The following HECTD2 variants were observed in gnomAD, a reference collection of about 807,000 sequenced individuals.
The protein encoded by HECTD2 is HECT domain E3 ubiquitin protein ligase 2.
HECTD2 carries 35 observed loss-of-function variants against 103.2 expected under a neutral mutation model. The ratio of observed to expected loss-of-function variants is 0.34; its 90% CI spans 0.26 to 0.45. HECTD2 has a LOEUF of 0.45. Ranked by LOEUF, HECTD2 falls within the 20% of genes least tolerant of loss-of-function variation. The probability of loss-of-function intolerance (pLI) is 1.00; values close to 1 mark genes in which losing one functional copy is unlikely to be tolerated. For synonymous variants in HECTD2, 281 were observed against 329.9 expected (o/e 0.85, Z 1.61); for missense variants, 596 against 937.4 (o/e 0.64, Z 4.76).
intron 5 of HECTD2, among the ~76,000 whole-genome samples, chr10:91,468,939 CAAAA>C (rs375935105): frequency 3.0e-5 from 3 of 98,484 alleles, no homozygotes; most frequent in Non-Finnish European, 6.1e-5. Context: ...CTGTCTCACT[CAAAA>C]AAAAAAAAAA....
intron 2 of HECTD2, among the ~76,000 whole-genome samples, chr10:91,457,567 TA>T (rs1417968476): frequency 6.6e-6 from 1 of 151,948 alleles, no homozygotes; most frequent in African/African-American, 2.4e-5. Flanking sequence ...TTCCATGCAG[TA>T]AAATAATTTG....
At chr10:91,435,986 T>C (rs1844099455) in intron 2 of HECTD2, among the ~76,000 whole-genome samples, 2 of 151,984 alleles carry the variant, frequency 1.3e-5, no homozygotes, top group African/African-American at 4.8e-5. Context: ...CTGTTATGCC[T>C]TTAATTGTGA....
At chr10:91,445,784 C>T (rs949587435) in intron 2 of HECTD2, among the ~76,000 whole-genome samples, 3 of 152,070 alleles carry the variant, frequency 2.0e-5, no homozygotes, top group East Asian at 3.9e-4. Flanking sequence ...CACAAGGGAT[C>T]AGAGAAATCC....
At chr10:91,495,707 C>G (rs1205721702) in intron 14 of HECTD2, among the ~76,000 whole-genome samples, 1 of 152,040 alleles carries the variant, frequency 6.6e-6, no homozygotes, top group Non-Finnish European at 1.5e-5. Context: ...AATTACCTAT[C>G]CTATTAGCTT....
chr10:91,489,154 G>C (rs1371895059), intron 11 of HECTD2: 1 of 152,130 alleles, frequency 6.6e-6, no homozygotes, highest in Non-Finnish European at 1.5e-5. Flanking sequence ...TCTTTTTGTG[G>C]AATTTTTCTT....
Position 91,496,391 on chromosome 10 carries a change from A to G in HECTD2, c.1680+19A>G, listed in dbSNP as rs1274454198. The stretch of plus-strand genomic sequence containing the variant: ...TATGCCTGTAAGTATAAAGTTATTA[A>G]TATCTTGTCCTTTAATGCGAAATCA... On this transcript the variant is annotated intron_variant, in intron 15 of 20. Coordinates refer to ENST00000298068, the MANE Select transcript of HECTD2 (RefSeq NM_182765.6). 1 of 1,570,580 alleles carries G rather than the reference A, an allele frequency of 6.4e-7. No homozygotes were observed. Among genetic ancestry groups the G allele is most frequent in the South Asian group, 1.1e-5 (1 of 87,002 alleles).
intron 14 of HECTD2, 120 bp from the exon 15 acceptor site, chr10:91,496,094 A>G (rs939228886): frequency 3.7e-6 from 2 of 547,864 alleles, no homozygotes; most frequent in Non-Finnish European, 6.4e-6. Context: ...AATATGTGAT[A>G]CTAATTAGAA....
intron 6 of HECTD2, among the ~76,000 whole-genome samples, chr10:91,480,748 A>G (rs1345782976): frequency 6.6e-6 from 1 of 152,080 alleles, no homozygotes. Context: ...TAATACATAA[A>G]TGTTCTTAAG....
intron 1 of HECTD2, among the ~76,000 whole-genome samples, chr10:91,422,202 A>AC (rs1369910300): frequency 6.6e-6 from 1 of 152,080 alleles, no homozygotes; most frequent in Non-Finnish European, 1.5e-5. Context: ...TATGGCCACT[A>AC]CCTACCTTCC....
chr10:91,415,216 G>A (rs1459676148), intron 1 of HECTD2, among the ~76,000 whole-genome samples: 2 of 151,908 alleles, frequency 1.3e-5, no homozygotes, highest in East Asian at 1.9e-4. Context: ...GTGTGTGTGT[G>A]TGTGTGTGTG....
At chr10:91,413,763 G>A (rs77305076) in intron 1 of HECTD2, among the ~76,000 whole-genome samples, 1,721 of 152,294 alleles carry the variant, frequency 0.011, 37 homozygotes, top group African/African-American at 0.039. Flanking sequence ...GAAATCAGGC[G>A]TGGTGGGGAA....
intron 15 of HECTD2, among the ~76,000 whole-genome samples, chr10:91,497,178 G>T (rs1846704781): frequency 8.1e-6 from 1 of 123,032 alleles, no homozygotes; most frequent in Non-Finnish European, 1.6e-5. Flanking sequence ...GTTTTGCCAT[G>T]TTGGCCAGGC....
At chr10:91,410,151 G>A (rs146186055), upstream of HECTD2, 773 of 152,044 alleles carry the variant, frequency 5.1e-3, 5 homozygotes, top group Non-Finnish European at 7.7e-3. Context: ...GGGGACTACC[G>A]CCGGCGCTCC....
Position 91,478,197 on chromosome 10 carries a change from A to G in HECTD2, c.601-4A>G. On this transcript the variant is annotated splice_region_variant and splice_polypyrimidine_tract_variant and intron_variant, in intron 5 of 20. Coordinates refer to ENST00000298068, the MANE Select transcript of HECTD2 (RefSeq NM_182765.6). ...ATTACCTTACTGTTTTCTTTTGCCT[A>G]CAGCCTCAAGACGTTCAGAAGACAG... 1.2e-6 allele frequency: 2 copies of G among 1,603,454 alleles called. No homozygotes were observed. The highest frequency in any genetic ancestry group is 1.3e-5 in the African/African-American group (1 of 74,840).
chr10:91,417,033 C>G (rs778801098), intron 1 of HECTD2, among the ~76,000 whole-genome samples: 2 of 152,148 alleles, frequency 1.3e-5, no homozygotes, highest in African/African-American at 2.4e-5. Flanking sequence ...TGGAAATTAA[C>G]TATTTTTAGT....
At chr10:91,429,220 G>T (rs1437497888) in intron 2 of HECTD2, among the ~76,000 whole-genome samples, 1 of 152,102 alleles carries the variant, frequency 6.6e-6, no homozygotes, top group Non-Finnish European at 1.5e-5. Context: ...GCATCCCAGG[G>T]ATGAAGCCCA....
intron 1 of HECTD2, among the ~76,000 whole-genome samples, chr10:91,417,539 G>A (rs1017624367): frequency 1.4e-5 from 2 of 143,972 alleles, no homozygotes; most frequent in South Asian, 2.5e-4. Context: ...CAACAGGCCC[G>A]GGTGTGTGAT....
At chr10:91,431,022 T>C (rs1843840878) in intron 2 of HECTD2, among the ~76,000 whole-genome samples, 1 of 151,710 alleles carries the variant, frequency 6.6e-6, no homozygotes, top group South Asian at 2.1e-4. Flanking sequence ...TGGTACAGGT[T>C]GTGCCTTTCC....
chr10:91,461,439 C>A, intron 4 of HECTD2, 83 bp downstream of exon 4: 2 of 656,582 alleles, frequency 3.0e-6, no homozygotes, highest in Non-Finnish European at 5.2e-6. Context: ...ATTTTCTACC[C>A]AATATTGATT....
Sources: allele counts gnomAD v4.1 joint callset (sites outside exome capture counted in the v4.1 genomes callset), GRCh38; gene constraint gnomAD v4.1.1; transcripts MANE v1.5; gene names NCBI Gene and HGNC (gene_info 2026-07-23, HGNC 2026-07-21).